The following FGFR1OP2 variants were observed in gnomAD, a reference collection of about 807,000 sequenced individuals.
The protein encoded by FGFR1OP2 is FGFR1 oncogene partner 2.
A neutral mutation model predicts 35.2 loss-of-function variants in FGFR1OP2; 17 were observed. The observed-to-expected ratio is 0.48, with a 90% CI of 0.33 to 0.73. The LOEUF (loss-of-function observed/expected upper bound fraction) is 0.73. Ranked by LOEUF, FGFR1OP2 falls within the 30% of genes least tolerant of loss-of-function variation. The pLI is 0.02. For missense variants in FGFR1OP2, 251 were observed against 307.3 expected (o/e 0.82, Z 1.37); for synonymous variants, 105 against 104.6 (o/e 1.00, Z -0.03).
chr12:26,962,576 GCTT>G (rs1478901298), intron 5 of FGFR1OP2: 1 of 152,128 alleles, frequency 6.6e-6, no homozygotes, highest in African/African-American at 2.4e-5. Context: ...TAGACTGTAA[GCTT>G]CTTCAGATCA....
chr12:26,945,861 CAA>C lies in FGFR1OP2; in HGVS notation c.-15+7168_-15+7169del, dbSNP rs74728377. ...GGGCAACAAGAGTGAAACTCCGTCT[CAA>C]AAAAAAAAAAAAAAAAGCATAATTT... On this transcript the variant is annotated intron_variant, in intron 1 of 6. Transcript: ENST00000229395. 9.9e-4 allele frequency among the ~76,000 whole-genome samples: 81 copies of C among 81,420 alleles called. 1 individual carries two copies. The South Asian group carries it at 0.014, about 14-fold the overall frequency. The allele number at this position is 81,420 out of a possible 152,430, so 53.4% of individuals were successfully genotyped here.
In FGFR1OP2 at chr12:26,938,518, C is replaced by G. The variant is rs975065175; in HGVS notation, c.-207C>G. Reference sequence around the variant, plus strand: ...AGGCGGTCGGCGGAGGTGTCTACCCCGCCGGTGATGGCGTTGAACGCCACT... The same window carrying G: ...AGGCGGTCGGCGGAGGTGTCTACCCGGCCGGTGATGGCGTTGAACGCCACT... On this transcript the variant is annotated 5_prime_UTR_variant, in exon 1 of 7. Coordinates refer to ENST00000229395, the MANE Select transcript of FGFR1OP2 (RefSeq NM_015633.3). 1 of 152,020 alleles carries G rather than the reference C, an allele frequency of 6.6e-6. No individual in the cohort carries two copies. Among genetic ancestry groups the G allele is most frequent in the South Asian group, 2.1e-4 (1 of 4,816 alleles). 9.4% of individuals were successfully genotyped at this position (152,020 alleles called of 1,614,324 possible).
chr12:26,945,277 C>T (rs1289381524), intron 1 of FGFR1OP2, among the ~76,000 whole-genome samples: 1 of 151,970 alleles, frequency 6.6e-6, no homozygotes, highest in Non-Finnish European at 1.5e-5. Context: ...TCTTCTTCTC[C>T]AGGTTCCTAA....
At chr12:26,943,827 CAAAAAA>C (rs991800142) in intron 1 of FGFR1OP2, among the ~76,000 whole-genome samples, 1 of 151,378 alleles carries the variant, frequency 6.6e-6, no homozygotes, top group Non-Finnish European at 1.5e-5. Flanking sequence ...GACTCTGTCT[CAAAAAA>C]AAGAAAAAGA....
At chr12:26,942,002 C>G (rs749250653) in intron 1 of FGFR1OP2, among the ~76,000 whole-genome samples, 2 of 152,246 alleles carry the variant, frequency 1.3e-5, no homozygotes, top group Admixed American at 6.5e-5. Flanking sequence ...TGGCTCTTTC[C>G]TTGCTTTGTG....
chr12:26,943,898 T>C (rs1251657321), intron 1 of FGFR1OP2, among the ~76,000 whole-genome samples: 3 of 152,208 alleles, frequency 2.0e-5, no homozygotes, highest in African/African-American at 7.2e-5. Flanking sequence ...TGTTTCTCCA[T>C]TCTTTTAGAT....
At chr12:26,951,547 T>G (rs1268364772) in intron 1 of FGFR1OP2, among the ~76,000 whole-genome samples, 3 of 152,150 alleles carry the variant, frequency 2.0e-5, no homozygotes, top group Non-Finnish European at 2.9e-5. Context: ...CTTGAACTCC[T>G]GAATTCAAGT....
intron 1 of FGFR1OP2, among the ~76,000 whole-genome samples, chr12:26,945,386 C>A (rs12300607): frequency 5.6e-4 from 85 of 152,190 alleles, no homozygotes; most frequent in African/African-American, 1.9e-3. Flanking sequence ...TACATACATG[C>A]CAAAATTTTT....
At chr12:26,951,161 C>CT (rs1323855183) in intron 1 of FGFR1OP2, among the ~76,000 whole-genome samples, 1 of 144,898 alleles carries the variant, frequency 6.9e-6, no homozygotes, top group East Asian at 2.0e-4. Context: ...TTTTTTTTTT[C>CT]TTTTTTTGAG....
intron 5 of FGFR1OP2, chr12:26,962,357 T>C (rs994141964): frequency 7.9e-5 from 12 of 152,202 alleles, no homozygotes; most frequent in Admixed American, 6.5e-4. Flanking sequence ...GGAGTACTGT[T>C]AAATCCTTTT....
In FGFR1OP2 at chr12:26,946,669, G is replaced by C. The variant is rs142106978; in HGVS notation, c.-14-7476G>C. ...TTCTTAAATATAACACCTTTATTGA[G>C]ATATGTAATTCACATACCATACTAT... is the stretch of plus-strand genomic sequence containing the variant. On this transcript the variant is annotated intron_variant, in intron 1 of 6. Coordinates refer to ENST00000229395, the MANE Select transcript of FGFR1OP2 (RefSeq NM_015633.3). Among the ~76,000 whole-genome samples the C allele has an allele frequency of 7.5e-3, 1,143 of 152,242 alleles. 15 individuals are homozygous for C. Among genetic ancestry groups the C allele is most frequent in the African/African-American group, 0.026 (1,086 of 41,538 alleles).
chr12:26,949,748 T>G (rs1337440627), intron 1 of FGFR1OP2, among the ~76,000 whole-genome samples: 1 of 151,732 alleles, frequency 6.6e-6, no homozygotes, highest in Admixed American at 6.6e-5. Context: ...CCAGCTAATT[T>G]TTGTATTTTT....
At chr12:26,944,855 AGAT>A (rs1471207132) in intron 1 of FGFR1OP2, among the ~76,000 whole-genome samples, 2 of 152,154 alleles carry the variant, frequency 1.3e-5, no homozygotes. Flanking sequence ...TTTTTGCAGA[AGAT>A]TTCTAATTAC....
rs1163120014 is a variant in FGFR1OP2, at chr12:26,965,121, A to G, written c.*388A>G. 1 of 156,460 alleles carries G rather than the reference A, an allele frequency of 6.4e-6. No homozygotes were observed. The highest frequency in any genetic ancestry group is 2.4e-5 in the African/African-American group (1 of 41,568). The allele number at this position is 156,460 out of a possible 1,614,324, so 9.7% of individuals were successfully genotyped here. A position where few individuals can be genotyped will look rare whatever the true frequency, so the allele number is the denominator to read the frequency against. On this transcript the variant is annotated 3_prime_UTR_variant, in exon 7 of 7. Transcript: ENST00000229395. ...ATTTTTGCCACTGTTTTGTGAACGG[A>G]GGATTTGTACGCTAAATTTCATCCT...
intron 1 of FGFR1OP2, among the ~76,000 whole-genome samples, chr12:26,951,312 C>T: frequency 6.6e-6 from 1 of 151,694 alleles, no homozygotes; most frequent in Admixed American, 6.6e-5. Context: ...CCAGGCCCGG[C>T]TAATTTTTGT....
intron 2 of FGFR1OP2, among the ~76,000 whole-genome samples, chr12:26,956,108 G>A (rs1001916417): frequency 6.6e-6 from 1 of 152,038 alleles, no homozygotes; most frequent in Non-Finnish European, 1.5e-5. Flanking sequence ...GATGTGCCCA[G>A]GGAAGCCAAA....
chr12:26,947,365 T>C (rs1440003643), intron 1 of FGFR1OP2, among the ~76,000 whole-genome samples: 2 of 152,200 alleles, frequency 1.3e-5, no homozygotes, highest in Non-Finnish European at 2.9e-5. Flanking sequence ...TTATTAGCCC[T>C]CTGGTTTTCT....
At chr12:26,939,411 A>G (rs1252064349) in intron 1 of FGFR1OP2, among the ~76,000 whole-genome samples, 1 of 152,286 alleles carries the variant, frequency 6.6e-6, no homozygotes, top group South Asian at 2.1e-4. Flanking sequence ...TGTTAAGCAC[A>G]TCATCATTCA....
intron 1 of FGFR1OP2, among the ~76,000 whole-genome samples, chr12:26,947,776 G>T (rs1231697433): frequency 6.6e-6 from 1 of 152,032 alleles, no homozygotes; most frequent in African/African-American, 2.4e-5. Context: ...CTGATCATCT[G>T]TCTTAATCTT....
Sources: gnomAD v4.1 joint callset for allele counts (sites outside exome capture counted in the v4.1 genomes callset) on GRCh38, gnomAD v4.1.1 for gene constraint, MANE v1.5 for transcripts, NCBI Gene and HGNC (gene_info 2026-07-23, HGNC 2026-07-21) for gene names.